CRTC1: variants seen among roughly 807,000 people sequenced by gnomAD.
CRTC1 encodes the protein CREB-regulated transcription coactivator 1.
A neutral mutation model predicts 66.1 loss-of-function variants in CRTC1; 18 were observed. The ratio of observed to expected loss-of-function variants is 0.27; its 90% CI spans 0.19 to 0.40. CRTC1 has a LOEUF of 0.40. Among genes scored for constraint, CRTC1 ranks in the 10% least tolerant of loss-of-function variants. The pLI, the probability that CRTC1 is intolerant of heterozygous loss-of-function variation, is 1.00. For missense variants in CRTC1, 669 were observed against 887.9 expected (o/e 0.75, Z 3.13); for synonymous variants, 416 against 398.8 (o/e 1.04, Z -0.51).
Position 18,759,565 on chromosome 19 carries a change from C to T in CRTC1, c.639C>T (p.Pro213=), listed in dbSNP as rs1244349343. 1 of 1,613,100 alleles carries T rather than the reference C, an allele frequency of 6.2e-7. No homozygotes were observed. Among genetic ancestry groups the T allele is most frequent in the Non-Finnish European group, 8.5e-7 (1 of 1,179,698 alleles). Residue 213 remains proline, a synonymous_variant, in exon 7 of 14, where the codon CCC becomes CCT. Transcript: ENST00000321949. ...TTCTCTTTCAGACGGGGTCCAGGCC[C>T]AAGTCCTGTGAGGTCCCCGGAATCA... ...AWDTKKTGSR[P]KSCEVPGINI...
intron 6 of CRTC1, among the ~76,000 whole-genome samples, chr19:18,758,889 G>C (rs555788290): frequency 6.6e-6 from 1 of 152,322 alleles, no homozygotes; most frequent in East Asian, 1.9e-4. Flanking sequence ...ACCATGATCT[G>C]GGAACAGCAT....
intron 1 of CRTC1, among the ~76,000 whole-genome samples, chr19:18,704,716 A>G (rs1426345474): frequency 1.3e-5 from 2 of 152,192 alleles, no homozygotes; most frequent in East Asian, 3.8e-4. Flanking sequence ...TGTCTCAAAA[A>G]CAAACCAAAA....
At chr19:18,685,180 C>A (rs935303371) in intron 1 of CRTC1, among the ~76,000 whole-genome samples, 3 of 151,996 alleles carry the variant, frequency 2.0e-5, no homozygotes, top group African/African-American at 7.3e-5. Flanking sequence ...GAGATTGTGA[C>A]CTTATAGACT....
At chr19:18,693,648 C>CT (rs990231695) in intron 1 of CRTC1, among the ~76,000 whole-genome samples, 11 of 150,606 alleles carry the variant, frequency 7.3e-5, no homozygotes, top group Admixed American at 2.6e-4. Flanking sequence ...TGCCCGGCTA[C>CT]TTTTTTTTGT....
At chr19:18,746,440 C>T (rs1294250285) in intron 3 of CRTC1, among the ~76,000 whole-genome samples, 2 of 152,038 alleles carry the variant, frequency 1.3e-5, no homozygotes, top group African/African-American at 4.8e-5. Context: ...GAGTAAAATT[C>T]GCCTCTGCGA....
At chr19:18,733,402 G>A (rs2053931859) in intron 1 of CRTC1, among the ~76,000 whole-genome samples, 2 of 152,244 alleles carry the variant, frequency 1.3e-5, no homozygotes, top group South Asian at 4.1e-4. Flanking sequence ...GCTCACGGCA[G>A]ACCCTCTGTT....
intron 1 of CRTC1, among the ~76,000 whole-genome samples, chr19:18,721,176 C>G (rs992766116): frequency 2.0e-5 from 3 of 150,040 alleles, no homozygotes; most frequent in African/African-American, 7.3e-5. Flanking sequence ...AAGGCATACC[C>G]TACTCCAGTT....
In CRTC1 at chr19:18,760,765, G is replaced by A. The variant is rs557257341; in HGVS notation, c.886+537G>A. 3.3e-5 allele frequency among the ~76,000 whole-genome samples: 5 copies of A among 152,042 alleles called. No homozygotes were observed. Among genetic ancestry groups the A allele is most frequent in the South Asian group, 2.1e-4 (1 of 4,810 alleles). On this transcript the variant is annotated intron_variant, in intron 8 of 13. Transcript: ENST00000321949. This position sits in a 1 kb window ranked among gnomAD's most constrained non-coding sequence, Gnocchi z 6.2. The stretch of plus-strand genomic sequence containing the variant: ...TAGCTCCTGGCGCTGCTGCCGCCCT[G>A]CTCCCCCGGGACCCCCCTCCTGTGG...
intron 13 of CRTC1, among the ~76,000 whole-genome samples, chr19:18,776,671 C>T (rs529541587): frequency 3.8e-4 from 58 of 152,344 alleles, no homozygotes; most frequent in African/African-American, 1.3e-3. Context: ...AAAGACAGGG[C>T]GTTTCAGCCC....
chr19:18,685,261 A>C (rs1414016957), intron 1 of CRTC1, among the ~76,000 whole-genome samples: 1 of 152,112 alleles, frequency 6.6e-6, no homozygotes, highest in African/African-American at 2.4e-5. Flanking sequence ...TGCTTTAGGC[A>C]TGCTCGGTGA....
chr19:18,768,357 C>A lies in CRTC1; in HGVS notation c.1012-128C>A. 3.9e-6 allele frequency: 3 copies of A among 760,270 alleles called. No homozygotes were observed. Among genetic ancestry groups the A allele is most frequent in the Non-Finnish European group, 6.3e-6 (3 of 477,434 alleles). 47.1% of individuals were successfully genotyped at this position (760,270 alleles called of 1,614,324 possible). On this transcript the variant is annotated intron_variant, in intron 9 of 13. Coordinates refer to ENST00000321949, the MANE Select transcript of CRTC1 (RefSeq NM_015321.3). This position sits in a 1 kb window ranked among gnomAD's most constrained non-coding sequence, Gnocchi z 5.6. ...CTCCCTCATCGTGAGGAGCACCCAG[C>A]CCAGGGGCTGCCTGTGATCACAGGG... is the stretch of plus-strand genomic sequence containing the variant.
At chr19:18,737,198 G>T (rs2145704303) in intron 1 of CRTC1, among the ~76,000 whole-genome samples, 1 of 151,866 alleles carries the variant, frequency 6.6e-6, no homozygotes, top group South Asian at 2.1e-4. Context: ...TCAGCAAGGG[G>T]TGGGGGTCAG....
At chr19:18,769,269 T>C (rs539301143) in intron 10 of CRTC1, among the ~76,000 whole-genome samples, 5 of 152,212 alleles carry the variant, frequency 3.3e-5, no homozygotes, top group Non-Finnish European at 7.3e-5. Context: ...GCTCAGACCA[T>C]TGGACTTTTC....
Position 18,708,671 on chromosome 19 carries a change from G to A in CRTC1, c.126+24843G>A, listed in dbSNP as rs77898583. ...TGAGAAACACAGAGGCCAAGTCCTC[G>A]GGGAGCCAAGTTTGAGAGGCAGACG... On this transcript the variant is annotated intron_variant, in intron 1 of 13. Coordinates refer to ENST00000321949, the MANE Select transcript of CRTC1 (RefSeq NM_015321.3). Among the ~76,000 whole-genome samples, 458 of 152,292 alleles carry A rather than the reference G, an allele frequency of 3.0e-3. 5 individuals are homozygous for A. Among genetic ancestry groups the A allele is most frequent in the African/African-American group, 0.011 (442 of 41,554 alleles).
chr19:18,726,829 G>C (rs1429196745), intron 1 of CRTC1, among the ~76,000 whole-genome samples: 1 of 151,820 alleles, frequency 6.6e-6, no homozygotes, highest in Admixed American at 6.6e-5. Context: ...GGGAGGCCGA[G>C]GCAGGAGAAT....
chr19:18,752,822 G>A (rs551658163), intron 5 of CRTC1, among the ~76,000 whole-genome samples: 3 of 151,756 alleles, frequency 2.0e-5, no homozygotes, highest in African/African-American at 7.2e-5. Flanking sequence ...ATTTTTAGTA[G>A]AGACAGGATT....
intron 1 of CRTC1, among the ~76,000 whole-genome samples, chr19:18,685,521 G>A (rs989932453): frequency 6.6e-6 from 1 of 152,174 alleles, no homozygotes; most frequent in African/African-American, 2.4e-5. Context: ...GCCGGACGTG[G>A]TGGTAGCTAC....
intron 1 of CRTC1, among the ~76,000 whole-genome samples, chr19:18,719,554 T>C (rs964750853): frequency 5.9e-5 from 9 of 152,204 alleles, no homozygotes; most frequent in Admixed American, 5.2e-4. Context: ...TTTGGGCCCA[T>C]GGTAATGAGG....
At chr19:18,744,490 A>AC (rs2054185785) in intron 2 of CRTC1, among the ~76,000 whole-genome samples, 10 of 139,478 alleles carry the variant, frequency 7.2e-5, no homozygotes, top group Non-Finnish European at 1.4e-4. Context: ...ACACACACAC[A>AC]AACACACACA....
Sources: allele counts gnomAD v4.1 joint callset (sites outside exome capture counted in the v4.1 genomes callset), GRCh38; gene constraint gnomAD v4.1.1; non-coding constraint Gnocchi (gnomAD v3.1); transcripts MANE v1.5; gene names NCBI Gene and HGNC (gene_info 2026-07-23, HGNC 2026-07-21).